Variants in PKD1L1 observed in about 807,000 individuals in gnomAD.
PKD1L1 encodes the protein polycystin 1 like 1, transient receptor potential channel interacting.
PKD1L1 carries 236 observed loss-of-function variants against 323.4 expected under a neutral mutation model. That is an observed-to-expected ratio of 0.73 (90% CI 0.66 to 0.81). The LOEUF (loss-of-function observed/expected upper bound fraction) is 0.81, where lower values mean the gene tolerates loss of function less well. Among genes scored for constraint, PKD1L1 ranks in the 40% least tolerant of loss-of-function variants. PKD1L1 has a pLI of 0.00. For synonymous variants in PKD1L1, 1,344 were observed against 1,335.0 expected (o/e 1.01, Z -0.15); for missense variants, 3,320 against 3,508.0 (o/e 0.95, Z 1.35).
Position 47,946,493 on chromosome 7 carries a change from CCACACAAA to C in PKD1L1, c.44+1896_44+1903del, listed in dbSNP as rs1788099669. On this transcript the variant is annotated intron_variant, in intron 1 of 56. Transcript: ENST00000289672. The surrounding 1 kb of genome is among the most constrained non-coding windows in gnomAD (Gnocchi z 4.1). ...CATCGCACACACCACACACCACGCACCACACAAACACACCATACACACAAACACCACAC... is the reference window on the plus strand; with the variant it reads ...CATCGCACACACCACACACCACGCACCACACCATACACACAAACACCACAC... 1.8e-5 allele frequency among the ~76,000 whole-genome samples: 2 copies of C among 110,930 alleles called. No individual in the cohort carries two copies. The allele number at this position is 110,930 out of a possible 152,430, so 72.8% of individuals were successfully genotyped here. A position where few individuals can be genotyped will look rare whatever the true frequency, so the allele number is the denominator to read the frequency against.
Position 47,882,039 on chromosome 7 carries a change from C to A in PKD1L1, c.3312G>T (p.Glu1104Asp). ...GGTTATCCCCATCTCCAGGGCTCTC[C>A]TCGGCACTCAAGCTAGGTCCTGATC... ...FPGSGPSLSA[E>D]ESPGDGDNLV... The change falls in exon 20 of 57, where the codon GAG becomes GAT. Residue 1104 changes from glutamate to aspartate, a missense_variant. Physicochemically the swap from Glu to Asp is conservative, Grantham distance 45 (BLOSUM62 2). Transcript: ENST00000289672. 6.2e-7 allele frequency: 1 copy of A among 1,614,008 alleles called. No homozygotes were observed. The highest frequency in any genetic ancestry group is 1.7e-5 in the Admixed American group (1 of 59,962).
chr7:47,788,577 A>ATATATTT (rs939251075), intron 56 of PKD1L1, among the ~76,000 whole-genome samples: 37 of 138,068 alleles, frequency 2.7e-4, no homozygotes, highest in Middle Eastern at 7.7e-3. Context: ...ATATATATAT[A>ATATATTT]TTTTTTTTTT....
rs142294107 is a variant in PKD1L1 at position 47,887,972 on chromosome 7, G to A, written c.2836+18C>T. 19 of 1,587,970 alleles carry A rather than the reference G, an allele frequency of 1.2e-5. No individual in the cohort carries two copies. Among genetic ancestry groups the A allele is most frequent in the African/African-American group, 8.2e-5 (6 of 73,606 alleles). ...TTTTTCCCTCAGAAAACAAAATAAAGCTATTAATCCTTTTTACCTTCTATC... is the reference window on the plus strand; with the variant it reads ...TTTTTCCCTCAGAAAACAAAATAAAACTATTAATCCTTTTTACCTTCTATC... On this transcript the variant is annotated intron_variant, in intron 17 of 56. Transcript: ENST00000289672.
At position 47,944,952 on chromosome 7, in the gene PKD1L1, T is replaced by G. The variant is rs191171157; in HGVS notation, c.45-1441A>C. Reference sequence around the variant, plus strand: ...TGGTGTGATTTGGGTTTCTCCTCCATGCCCATTCCCAGCGACAGGGCAATG... The same window carrying G: ...TGGTGTGATTTGGGTTTCTCCTCCAGGCCCATTCCCAGCGACAGGGCAATG... On this transcript the variant is annotated intron_variant, in intron 1 of 56. Transcript: ENST00000289672. Among the ~76,000 whole-genome samples, 5 of 152,358 alleles carry G rather than the reference T, an allele frequency of 3.3e-5. No homozygotes were observed. The East Asian group carries it at 9.6e-4, about 29-fold the overall frequency.
intron 37 of PKD1L1, among the ~76,000 whole-genome samples, chr7:47,835,828 GA>G (rs1457811369): frequency 6.6e-6 from 1 of 152,068 alleles, no homozygotes; most frequent in Non-Finnish European, 1.5e-5. Flanking sequence ...CCCCAGGAGT[GA>G]AAAAAACACA....
At chr7:47,875,527 C>G (rs775582454) in intron 23 of PKD1L1, among the ~76,000 whole-genome samples, 1 of 152,206 alleles carries the variant, frequency 6.6e-6, no homozygotes, top group Non-Finnish European at 1.5e-5. Context: ...TGGGTTTGCA[C>G]ATGTCAAGAT....
intron 45 of PKD1L1, among the ~76,000 whole-genome samples, chr7:47,824,566 A>T (rs889150061): frequency 6.6e-6 from 1 of 152,168 alleles, no homozygotes; most frequent in Non-Finnish European, 1.5e-5. Flanking sequence ...ACACAGATTT[A>T]AAAAAATCTT....
the PKD1L1 span, among the ~76,000 whole-genome samples, chr7:47,958,455 A>G: frequency 1.3e-5 from 2 of 152,226 alleles, no homozygotes; most frequent in Non-Finnish European, 2.9e-5. Flanking sequence ...TGAATTAAAG[A>G]CATAGATTTA....
chr7:47,788,601 T>C (rs1786867945), intron 56 of PKD1L1, among the ~76,000 whole-genome samples: 1 of 143,798 alleles, frequency 7.0e-6, no homozygotes. Flanking sequence ...ATTTTAATTT[T>C]AATTTTTTTT....
chr7:47,906,151 T>C (rs1329186606), intron 9 of PKD1L1, among the ~76,000 whole-genome samples, 189 bp from the exon 10 acceptor site: 1 of 152,248 alleles, frequency 6.6e-6, no homozygotes, highest in Non-Finnish European at 1.5e-5. Flanking sequence ...AGAATTTCTG[T>C]CATTAAATTT....
intron 7 of PKD1L1, among the ~76,000 whole-genome samples, chr7:47,919,527 C>A (rs972035426): frequency 1.8e-4 from 28 of 152,132 alleles, no homozygotes; most frequent in African/African-American, 6.8e-4. Context: ...TTTTATGAAG[C>A]CAGTATCACC....
chr7:47,794,349 C>T lies in PKD1L1; in HGVS notation c.8356-1552G>A, dbSNP rs1787024075. Among the ~76,000 whole-genome samples the T allele has an allele frequency of 3.3e-5, 5 of 152,154 alleles. No homozygotes were observed. In the South Asian group the frequency reaches 1.0e-3, roughly 32 times the overall value. ...TGTGTGCAGCCTAGAGACTTGGTGCCCTGTGTCCCAGTTGCTCCAGCCATG... is the reference window on the plus strand; with the variant it reads ...TGTGTGCAGCCTAGAGACTTGGTGCTCTGTGTCCCAGTTGCTCCAGCCATG... On this transcript the variant is annotated intron_variant, in intron 55 of 56. Transcript: ENST00000289672.
chr7:47,788,036 T>C (rs959463391), intron 56 of PKD1L1, among the ~76,000 whole-genome samples: 3 of 152,190 alleles, frequency 2.0e-5, no homozygotes, highest in African/African-American at 7.2e-5. Flanking sequence ...GAACTGACAA[T>C]CTTTTTGTCC....
At chr7:47,857,476 T>C (rs920922801) in intron 28 of PKD1L1, 129 bp downstream of exon 28, 6 of 717,226 alleles carry the variant, frequency 8.4e-6, no homozygotes, top group Non-Finnish European at 1.4e-5. Flanking sequence ...CTCTTGGCAC[T>C]GAGAGGGTGC....
chr7:47,929,472 C>T lies in PKD1L1; in HGVS notation c.792G>A (p.Gln264=), dbSNP rs766205715. The part of the protein sequence containing the change: ...IPRTPSFTAS[Q]SGSEILYPPT... ...GGGGATAGAGGATCTCAGAACCAGA[C>T]TGCGATGCCGTGAAGCTGGGGGTGC... Residue 264 remains glutamine, a synonymous_variant, in exon 7 of 57, where the codon CAG becomes CAA. Transcript: ENST00000289672. The T allele has an allele frequency of 2.5e-6, 4 of 1,614,064 alleles. No homozygotes were observed. Among genetic ancestry groups the T allele is most frequent in the African/African-American group, 1.3e-5 (1 of 74,936 alleles).
intron 8 of PKD1L1, among the ~76,000 whole-genome samples, chr7:47,912,926 TAAGAA>T (rs1312125139): frequency 6.7e-6 from 1 of 149,826 alleles, no homozygotes; most frequent in African/African-American, 2.5e-5. Context: ...CACCACAAGG[TAAGAA>T]AGACAGAATG....
chr7:47,798,776 C>A (rs1425344155), intron 54 of PKD1L1, among the ~76,000 whole-genome samples: 204 of 140,102 alleles, frequency 1.5e-3, no homozygotes, highest in African/African-American at 1.8e-3. Context: ...ACAAAAAAAC[C>A]AAAAACAAAG....
In PKD1L1 at chr7:47,902,438, T is replaced by C. The variant is rs143597419; in HGVS notation, c.2005A>G (p.Ile669Val). 1.9e-4 allele frequency: 300 copies of C among 1,614,150 alleles called. 1 individual carries two copies. The African/African-American group carries it at 3.4e-3, about 18-fold the overall frequency. ...GGTGGCTGGCAGGGCTCGCACACGA[T>C]GAAAAGTTGCTGTCTTAGAGTGGAG... is the stretch of plus-strand genomic sequence containing the variant. ...SASTLRQQLF[I>V]VCEPCQPPLV... Residue 669 changes from isoleucine to valine, a missense_variant, in exon 13 of 57, where the codon ATC becomes GTC. By Grantham distance (29) the Ile-to-Val change is conservative. Transcript: ENST00000289672.
At chr7:47,943,298 GA>G (rs1235132194) in intron 2 of PKD1L1, 97 bp downstream of exon 2, 5 of 1,026,588 alleles carry the variant, frequency 4.9e-6, no homozygotes, top group Non-Finnish European at 7.3e-6. Context: ...CTTAAAAGCA[GA>G]AAATGAAATT....
Sources: allele counts gnomAD v4.1 joint callset (sites outside exome capture counted in the v4.1 genomes callset), GRCh38; gene constraint gnomAD v4.1.1; non-coding constraint Gnocchi (gnomAD v3.1); transcripts MANE v1.5; gene names NCBI Gene and HGNC (gene_info 2026-07-23, HGNC 2026-07-21).